PDE1A: variants seen among roughly 807,000 people sequenced by gnomAD.
PDE1A encodes phosphodiesterase 1A.
PDE1A carries 35 observed loss-of-function variants against 61.7 expected under a neutral mutation model. The observed-to-expected ratio is 0.57, with a 90% CI of 0.43 to 0.75. PDE1A has a LOEUF of 0.75. PDE1A is among the 30% of genes least tolerant of loss of function. The pLI, the probability that PDE1A is intolerant of heterozygous loss-of-function variation, is 0.00. For missense variants in PDE1A, 597 were observed against 630.6 expected, an observed-to-expected ratio of 0.95 and a Z score of 0.57; for synonymous variants, 232 against 213.2, an observed-to-expected ratio of 1.09 and a Z score of -0.77.
intron 13 of PDE1A, among the ~76,000 whole-genome samples, chr2:182,180,927 C>T (rs1016784275): frequency 1.3e-5 from 2 of 151,794 alleles, no homozygotes; most frequent in South Asian, 2.1e-4. Context: ...CTGTGTTTTT[C>T]ATCTCCATCA....
intron 6 of PDE1A, among the ~76,000 whole-genome samples, chr2:182,227,231 AGAAG>A (rs1468919751): frequency 2.0e-5 from 3 of 152,052 alleles, no homozygotes; most frequent in Admixed American, 2.0e-4. Context: ...ATGAATGGGT[AGAAG>A]CTAATAGAGT....
chr2:182,174,293 T>C (rs1692522220), intron 13 of PDE1A, among the ~76,000 whole-genome samples: 1 of 152,120 alleles, frequency 6.6e-6, no homozygotes, highest in South Asian at 2.1e-4. Context: ...TTCAGCCTTA[T>C]TTCCTGATGA....
chr2:182,204,707 C>G (rs1030439820), intron 8 of PDE1A, among the ~76,000 whole-genome samples: 1 of 152,132 alleles, frequency 6.6e-6, no homozygotes, highest in Non-Finnish European at 1.5e-5. Context: ...GTAAGGCTTC[C>G]TATCCAGAGT....
At chr2:182,471,367 C>A (rs891609410) in intron 2 of PDE1A, among the ~76,000 whole-genome samples, 3 of 151,834 alleles carry the variant, frequency 2.0e-5, no homozygotes, top group African/African-American at 4.8e-5. Flanking sequence ...TTCTGAAGAA[C>A]CTTTTATACA....
the PDE1A span, among the ~76,000 whole-genome samples, chr2:182,529,941 A>C: frequency 6.6e-6 from 1 of 152,244 alleles, no homozygotes; most frequent in African/African-American, 2.4e-5. Context: ...TATCAGCAGC[A>C]TGAAAATGAA....
chr2:182,569,254 A>AATATATATATATATATATAT, the PDE1A span, among the ~76,000 whole-genome samples: 190 of 138,542 alleles, frequency 1.4e-3, no homozygotes, highest in Middle Eastern at 3.8e-3. Flanking sequence ...ACCTGTCTCA[A>AATATATATATATATATATAT]ATATATATAT....
the PDE1A span, among the ~76,000 whole-genome samples, chr2:182,600,547 G>A: frequency 1.3e-5 from 2 of 152,114 alleles, no homozygotes; most frequent in African/African-American, 4.8e-5. Flanking sequence ...TTTGGGGGAT[G>A]GATTTAGATG....
the PDE1A span, among the ~76,000 whole-genome samples, chr2:182,554,985 T>C: frequency 6.6e-6 from 1 of 152,180 alleles, no homozygotes; most frequent in Non-Finnish European, 1.5e-5. Flanking sequence ...AACAGAGAAA[T>C]AGTTGAAATA....
At chr2:182,637,647 C>T in the PDE1A span, among the ~76,000 whole-genome samples, 3 of 152,146 alleles carry the variant, frequency 2.0e-5, no homozygotes, top group African/African-American at 7.2e-5. Flanking sequence ...TCAGGCCGGG[C>T]ACTGTGGCTC....
rs188202591 is a variant in PDE1A at position 182,274,918 on chromosome 2, T to C, written c.54-10504A>G. On this transcript the variant is annotated intron_variant, in intron 1 of 13. Coordinates refer to ENST00000351439, the Ensembl canonical transcript of PDE1A. ...TGACAGAAGTAGTTTTGAGAACGCA[T>C]CATCACTGGTATAAACTTCTGAGTT... is the stretch of plus-strand genomic sequence containing the variant. Among the ~76,000 whole-genome samples the C allele has an allele frequency of 2.4e-3, 364 of 152,182 alleles. 1 individual carries two copies. Among genetic ancestry groups the C allele is most frequent in the African/African-American group, 8.5e-3 (353 of 41,530 alleles).
chr2:182,261,454 CA>C (rs1456483906), intron 2 of PDE1A, among the ~76,000 whole-genome samples: 1 of 151,874 alleles, frequency 6.6e-6, no homozygotes, highest in African/African-American at 2.4e-5. Flanking sequence ...ATTATTAATC[CA>C]ATTTAAAACT....
the PDE1A span, among the ~76,000 whole-genome samples, chr2:182,618,375 T>G: frequency 2.6e-5 from 4 of 152,172 alleles, no homozygotes; most frequent in Admixed American, 6.5e-5. Context: ...ATAGAGAAAT[T>G]ATAATAGCAA....
At chr2:182,401,465 T>C (rs959790488) in intron 1 of PDE1A, among the ~76,000 whole-genome samples, 2 of 152,180 alleles carry the variant, frequency 1.3e-5, no homozygotes, top group Admixed American at 1.3e-4. Flanking sequence ...TCAATAAAAT[T>C]CAGTAGCCCT....
chr2:182,571,658 A>G, the PDE1A span, among the ~76,000 whole-genome samples: 1 of 151,944 alleles, frequency 6.6e-6, no homozygotes, highest in African/African-American at 2.4e-5. Flanking sequence ...TTAAACAATA[A>G]GTTTATATTT....
intron 2 of PDE1A, among the ~76,000 whole-genome samples, chr2:182,260,608 T>C (rs1692153035): frequency 6.6e-6 from 1 of 152,202 alleles, no homozygotes; most frequent in Admixed American, 6.5e-5. Context: ...TGGTAAATGT[T>C]TAACAACAGA....
chr2:182,445,209 A>G (rs1287078930), intron 2 of PDE1A, among the ~76,000 whole-genome samples: 2 of 152,148 alleles, frequency 1.3e-5, no homozygotes, highest in East Asian at 3.9e-4. Flanking sequence ...ATAGAAACAC[A>G]AATATTTCCA....
At chr2:182,160,126 A>T (rs1691300424) in intron 13 of PDE1A, among the ~76,000 whole-genome samples, 1 of 152,208 alleles carries the variant, frequency 6.6e-6, no homozygotes, top group Non-Finnish European at 1.5e-5. Flanking sequence ...AAGATTACAT[A>T]ACTAGTAAGT....
chr2:182,444,257 T>G (rs1226756555), intron 2 of PDE1A, among the ~76,000 whole-genome samples: 1 of 152,174 alleles, frequency 6.6e-6, no homozygotes, highest in South Asian at 2.1e-4. Flanking sequence ...TCTGGCTTCA[T>G]GTTTAACCCT....
chr2:182,539,526 T>C, the PDE1A span, among the ~76,000 whole-genome samples: 3 of 152,216 alleles, frequency 2.0e-5, no homozygotes, highest in African/African-American at 7.2e-5. Context: ...TAAAAACCAA[T>C]AGTTTCTATC....
Sources: allele counts gnomAD v4.1 joint callset (sites outside exome capture counted in the v4.1 genomes callset), GRCh38; gene constraint gnomAD v4.1.1; transcripts MANE v1.5; gene names NCBI Gene and HGNC (gene_info 2026-07-23, HGNC 2026-07-21).